STAU2: variants seen among roughly 807,000 people sequenced by gnomAD.
STAU2 encodes double-stranded RNA-binding protein Staufen homolog 2.
STAU2 carries 20 observed loss-of-function variants against 65.9 expected under a neutral mutation model. That is an observed-to-expected ratio of 0.30 (90% CI 0.21 to 0.44). The LOEUF (loss-of-function observed/expected upper bound fraction) is 0.44. STAU2 is among the 20% of genes least tolerant of loss of function. The pLI, the probability that STAU2 is intolerant of heterozygous loss-of-function variation, is 1.00. For synonymous variants in STAU2, 232 were observed against 233.9 expected (o/e 0.99, Z 0.07); for missense variants, 558 against 683.9 (o/e 0.82, Z 2.05).
At chr8:73,650,152 C>T (rs73686874) in intron 6 of STAU2, among the ~76,000 whole-genome samples, 10,990 of 151,610 alleles carry the variant, frequency 0.072, 432 homozygotes, top group Middle Eastern at 0.14. Flanking sequence ...TATTATCATT[C>T]CTAATTTAAC....
chr8:73,423,194 G>T (rs1816524957), intron 13 of STAU2, among the ~76,000 whole-genome samples: 1 of 152,202 alleles, frequency 6.6e-6, no homozygotes, highest in Non-Finnish European at 1.5e-5. Context: ...AGACTGAGGG[G>T]ATGGATGGTA....
At chr8:73,428,296 A>T (rs1211150674) in intron 13 of STAU2, among the ~76,000 whole-genome samples, 1 of 152,044 alleles carries the variant, frequency 6.6e-6, no homozygotes, top group Non-Finnish European at 1.5e-5. Context: ...AAATGACATA[A>T]TTTCTTCCTT....
intron 13 of STAU2, among the ~76,000 whole-genome samples, chr8:73,446,371 G>A (rs1242246380): frequency 1.3e-5 from 2 of 152,162 alleles, no homozygotes; most frequent in African/African-American, 4.8e-5. Flanking sequence ...ATCGCTGAGT[G>A]GTTGCACAAA....
chr8:73,538,676 G>GAA (rs60524962), intron 13 of STAU2, among the ~76,000 whole-genome samples: 15 of 132,830 alleles, frequency 1.1e-4, no homozygotes, highest in Admixed American at 5.2e-4. Flanking sequence ...CAGAGTTTTA[G>GAA]AAAAAAAAAA....
At chr8:73,437,715 TG>T (rs535432923) in intron 13 of STAU2, among the ~76,000 whole-genome samples, 117 of 152,282 alleles carry the variant, frequency 7.7e-4, no homozygotes, top group Admixed American at 1.6e-3. Flanking sequence ...GGTAAGGGTC[TG>T]GCTGAGATGC....
intron 11 of STAU2, among the ~76,000 whole-genome samples, chr8:73,584,315 G>T (rs375554489): frequency 4.7e-4 from 72 of 152,218 alleles, no homozygotes; most frequent in African/African-American, 1.7e-3. Context: ...GCTAACACAG[G>T]CATCCTTCAC....
At chr8:73,449,329 C>T (rs1818669619) in intron 13 of STAU2, among the ~76,000 whole-genome samples, 1 of 152,200 alleles carries the variant, frequency 6.6e-6, no homozygotes, top group South Asian at 2.1e-4. Context: ...CTGGCTGCGT[C>T]CTCCCAGGGC....
intron 12 of STAU2, among the ~76,000 whole-genome samples, chr8:73,562,723 C>T (rs1028849483): frequency 4.6e-5 from 7 of 152,132 alleles, no homozygotes; most frequent in African/African-American, 1.7e-4. Flanking sequence ...ATTTACTACA[C>T]ATTAGTCTAT....
intron 13 of STAU2, among the ~76,000 whole-genome samples, chr8:73,449,158 C>T (rs961246802): frequency 2.0e-5 from 3 of 152,232 alleles, no homozygotes; most frequent in African/African-American, 7.2e-5. Context: ...CGGGCAGGGG[C>T]CGGGCGAGTT....
At chr8:73,600,906 T>C (rs1209437784) in intron 10 of STAU2, among the ~76,000 whole-genome samples, 1 of 152,216 alleles carries the variant, frequency 6.6e-6, no homozygotes, top group East Asian at 1.9e-4. Flanking sequence ...TTTGTTAATA[T>C]AAAAAGACCA....
chr8:73,506,267 G>A (rs1367088926), intron 13 of STAU2, among the ~76,000 whole-genome samples: 2 of 152,076 alleles, frequency 1.3e-5, no homozygotes, highest in Admixed American at 6.6e-5. Flanking sequence ...CCCTGTGCAC[G>A]TATGCAGTGA....
At chr8:73,453,010 T>A (rs1818882760) in intron 13 of STAU2, among the ~76,000 whole-genome samples, 1 of 152,236 alleles carries the variant, frequency 6.6e-6, no homozygotes, top group African/African-American at 2.4e-5. Flanking sequence ...ACTGAGTTTT[T>A]AATTTAGATC....
intron 13 of STAU2, among the ~76,000 whole-genome samples, chr8:73,533,981 T>A (rs1334916786): frequency 6.6e-6 from 1 of 152,214 alleles, no homozygotes; most frequent in Non-Finnish European, 1.5e-5. Flanking sequence ...ATGTTTTTAA[T>A]GGCCACCCCC....
intron 9 of STAU2, among the ~76,000 whole-genome samples, chr8:73,608,362 C>CT (rs1812186613): frequency 6.6e-6 from 1 of 152,128 alleles, no homozygotes; most frequent in Non-Finnish European, 1.5e-5. Context: ...AATCCCAGCA[C>CT]TTTGAGAGGC....
chr8:73,649,979 A>G (rs1815737405), intron 6 of STAU2, among the ~76,000 whole-genome samples: 1 of 149,842 alleles, frequency 6.7e-6, no homozygotes, highest in African/African-American at 2.5e-5. Context: ...ACTGACAAAA[A>G]CACAGTAACA....
chr8:73,547,779 A>C (rs1057473304), intron 13 of STAU2, among the ~76,000 whole-genome samples: 1 of 152,228 alleles, frequency 6.6e-6, no homozygotes, highest in African/African-American at 2.4e-5. Flanking sequence ...GCCTACATGA[A>C]CATTTGGTCT....
At chr8:73,693,399 C>T (rs1037627641) in intron 4 of STAU2, among the ~76,000 whole-genome samples, 1 of 147,936 alleles carries the variant, frequency 6.8e-6, no homozygotes, top group Admixed American at 6.9e-5. Flanking sequence ...GGCGTGAACC[C>T]GGGAGGTGGA....
chr8:73,654,764 G>A (rs1816214035), intron 6 of STAU2, among the ~76,000 whole-genome samples: 1 of 123,942 alleles, frequency 8.1e-6, no homozygotes, highest in African/African-American at 3.2e-5. Context: ...TCGACTCACT[G>A]CAAGCTCCGC....
At chr8:73,743,017 C>T (rs1806992328) in intron 1 of STAU2, among the ~76,000 whole-genome samples, 1 of 151,964 alleles carries the variant, frequency 6.6e-6, no homozygotes, top group Non-Finnish European at 1.5e-5. Context: ...ACTATCTCTA[C>T]TCTTAGACTA....
Sources: allele counts gnomAD v4.1 joint callset (sites outside exome capture counted in the v4.1 genomes callset), GRCh38; gene constraint gnomAD v4.1.1; transcripts MANE v1.5; gene names NCBI Gene and HGNC (gene_info 2026-07-23, HGNC 2026-07-21).